Variants in EXOC3L1 observed in about 807,000 individuals in gnomAD.
The protein encoded by EXOC3L1 is exocyst complex component 3-like protein.
Under a neutral mutation model 83.6 loss-of-function variants are expected in EXOC3L1, and 79 were observed. The ratio of observed to expected loss-of-function variants is 0.95; its 90% CI spans 0.79 to 1.14. The LOEUF (loss-of-function observed/expected upper bound fraction) is 1.14, where lower values mean the gene tolerates loss of function less well. Among genes scored for constraint, EXOC3L1 ranks in the 50% most tolerant of loss-of-function variants. EXOC3L1 has a pLI of 0.00. For missense variants in EXOC3L1, 945 were observed against 972.0 expected, an observed-to-expected ratio of 0.97 and a Z score of 0.37; for synonymous variants, 433 against 451.2, an observed-to-expected ratio of 0.96 and a Z score of 0.51.
chr16:67,189,521 C>T, intron 2 of EXOC3L1, 110 bp downstream of exon 2: 1 of 1,299,134 alleles, frequency 7.7e-7, no homozygotes, highest in Admixed American at 1.9e-5. Context: ...AGGTCATCTG[C>T]CCATCTTGAC....
chr16:67,186,994 C>T (rs367949513), intron 6 of EXOC3L1, 27 bp downstream of exon 6: 1 of 1,612,612 alleles, frequency 6.2e-7, no homozygotes. Context: ...AGTAGGACTT[C>T]TCTGGACCTG....
At position 67,187,216 on chromosome 16, in the gene EXOC3L1, G is replaced by A. The variant is rs769943703; in HGVS notation, c.1040+9C>T. ...ATCCCCCATGTCCCGCTGCCCCAAA[G>A]GCACTGACCCCAGGTACACATGCAG... On this transcript the variant is annotated intron_variant, in intron 5 of 13. Coordinates refer to ENST00000314586, the MANE Select transcript of EXOC3L1 (RefSeq NM_178516.4). 13 of 1,609,078 alleles carry A rather than the reference G, an allele frequency of 8.1e-6. No homozygotes were observed. Among genetic ancestry groups the A allele is most frequent in the African/African-American group, 2.7e-5 (2 of 74,864 alleles).
Position 67,184,762 on chromosome 16 carries a change from C to A in EXOC3L1, c.1954G>T (p.Glu652Ter), listed in dbSNP as rs758761121. ...HCAPVLLALR[E>*]LLNLRDPALL... ...GCGGGGTCGCGGAGGTTTAGCAGCT[C>A]CCTCAGGGCGAGCAGCACCGGCGCG... Residue 652 changes from glutamate (E) to a stop codon, truncating the protein, a stop_gained, in exon 13 of 14, where the codon GAG becomes TAG. Transcript: ENST00000314586. LOFTEE classifies it high-confidence loss of function. The A allele has an allele frequency of 6.3e-7, 1 of 1,596,408 alleles. No individual in the cohort carries two copies. The highest frequency in any genetic ancestry group is 8.5e-7 in the Non-Finnish European group (1 of 1,176,414).
In EXOC3L1 at chr16:67,186,258, AG is replaced by A; in HGVS notation, c.1474del (p.Leu492SerfsTer107). 1 of 1,575,814 alleles carries A rather than the reference AG, an allele frequency of 6.3e-7. No homozygotes were observed. Among genetic ancestry groups the A allele is most frequent in the Non-Finnish European group, 8.6e-7 (1 of 1,159,724 alleles). On this transcript the variant is annotated frameshift_variant, in exon 9 of 14. Transcript: ENST00000314586. LOFTEE classifies it high-confidence loss of function. ...PHYVPYLLAA[L>X]NHKSALSSSV... The stretch of plus-strand genomic sequence containing the variant: ...GTACCTGAGTGCTGACTTGTGGTTG[AG>A]GGCGGCCAGTAGGTAGGGCACGTAA...
intron 4 of EXOC3L1, 73 bp from the exon 5 acceptor site, chr16:67,187,910 C>T: frequency 6.7e-7 from 1 of 1,494,830 alleles, no homozygotes. Flanking sequence ...GCAGGGGATA[C>T]TGAGGCCCAG....
Position 67,187,091 on chromosome 16 carries a change from G to C in EXOC3L1, c.1088C>G (p.Ser363Cys). ...CAAGGTCAGAAGGGGCTCCAGCTGGGACACATCAGCCTCAGGCCCCAACTC... is the reference window on the plus strand; with the variant it reads ...CAAGGTCAGAAGGGGCTCCAGCTGGCACACATCAGCCTCAGGCCCCAACTC... The part of the protein sequence containing the change: ...SLELGPEADV[S>C]QLEPLLTLEN... The change falls in exon 6 of 14, where the codon TCC becomes TGC. Residue 363 changes from serine (S) to cysteine (C), a missense_variant. By Grantham distance (112) the Ser-to-Cys change is moderately radical (BLOSUM62 -1). Transcript: ENST00000314586. 6.2e-7 allele frequency: 1 copy of C among 1,613,624 alleles called. No homozygotes were observed. The highest frequency in any genetic ancestry group is 8.5e-7 in the Non-Finnish European group (1 of 1,180,008).
chr16:67,187,660 A>G lies in EXOC3L1; in HGVS notation c.605T>C (p.Val202Ala), dbSNP rs147187883. The G allele has an allele frequency of 2.1e-4, 339 of 1,611,712 alleles. 1 individual carries two copies. The African/African-American group carries it at 4.0e-3, about 19-fold the overall frequency. The change falls in exon 5 of 14, where the codon GTG becomes GCG. Residue 202 changes from valine to alanine, a missense_variant. Coordinates refer to ENST00000314586, the MANE Select transcript of EXOC3L1 (RefSeq NM_178516.4). ...DLLFEALGQA[V>A]EAAAGAAGKL... Reference sequence around the variant, plus strand: ...CCCTGCGGCCCCTGCAGCTGCTTCCACAGCCTGGCCCAGTGCCTCGAACAG... The same window carrying G: ...CCCTGCGGCCCCTGCAGCTGCTTCCGCAGCCTGGCCCAGTGCCTCGAACAG...
In EXOC3L1 at chr16:67,188,801, G is replaced by C; in HGVS notation, c.347C>G (p.Thr116Ser). ...AACCCGCTCCCGTAGGGGCTCTAGA[G>C]TCTGTAAGGCCTGGGACATGCCCTG... ...LLQGMSQALQ[T>S]LEPLRERVAQ... The change falls in exon 4 of 14, where the codon ACT becomes AGT. Residue 116 changes from threonine (T) to serine (S), a missense_variant. Transcript: ENST00000314586. The C allele has an allele frequency of 6.2e-7, 1 of 1,613,378 alleles. No homozygotes were observed. Among genetic ancestry groups the C allele is most frequent in the Non-Finnish European group, 8.5e-7 (1 of 1,180,012 alleles).
Position 67,187,689 on chromosome 16 carries a change from G to T in EXOC3L1, c.576C>A (p.Asp192Glu), listed in dbSNP as rs767666528. Reference protein sequence around the residue: ...GLELPVFQGLDLLFEALGQAV... With the variant: ...GLELPVFQGLELLFEALGQAV... ...CCTGGCCCAGTGCCTCGAACAGAAGGTCCAGCCCCTGGAAGACTGGCAACT... is the reference window on the plus strand; with the variant it reads ...CCTGGCCCAGTGCCTCGAACAGAAGTTCCAGCCCCTGGAAGACTGGCAACT... Residue 192 changes from aspartate (D) to glutamate (E), a missense_variant, in exon 5 of 14, where the codon GAC (aspartate) becomes GAA (glutamate). Physicochemically the swap from Asp to Glu is conservative, Grantham distance 45. Transcript: ENST00000314586. 6.2e-7 allele frequency: 1 copy of T among 1,612,990 alleles called. No individual in the cohort carries two copies.
Position 67,187,646 on chromosome 16 carries a change from C to T in EXOC3L1, c.619G>A (p.Gly207Arg). Residue 207 changes from glycine to arginine, a missense_variant, in exon 5 of 14, where the codon GGG (glycine) becomes AGG (arginine). Physicochemically the swap from Gly to Arg is moderately radical, Grantham distance 125. Coordinates refer to ENST00000314586, the MANE Select transcript of EXOC3L1 (RefSeq NM_178516.4). ...ALGQAVEAAA[G>R]AAGKLAREDP... The stretch of plus-strand genomic sequence containing the variant: ...TCCCGTGCCAGCTTCCCTGCGGCCC[C>T]TGCAGCTGCTTCCACAGCCTGGCCC... 6.2e-7 allele frequency: 1 copy of T among 1,610,952 alleles called. No individual in the cohort carries two copies. The highest frequency in any genetic ancestry group is 8.5e-7 in the Non-Finnish European group (1 of 1,178,900).
chr16:67,189,924 C>A, intron 1 of EXOC3L1, 47 bp downstream of exon 1: 1 of 574,338 alleles, frequency 1.7e-6, no homozygotes, highest in Non-Finnish European at 3.1e-6. Flanking sequence ...TCCACTGGAC[C>A]CTGGTCCTGC....
chr16:67,189,337 T>C (rs989500863), intron 2 of EXOC3L1, 157 bp from the exon 3 acceptor site: 1 of 903,356 alleles, frequency 1.1e-6, no homozygotes, highest in African/African-American at 1.7e-5. Flanking sequence ...AGTGCAGTGG[T>C]GCAATCTCGG....
intron 7 of EXOC3L1, 32 bp downstream of exon 7, chr16:67,186,727 G>T: frequency 6.2e-7 from 1 of 1,613,498 alleles, no homozygotes; most frequent in Non-Finnish European, 8.5e-7. Flanking sequence ...CCCCATGGAG[G>T]CTGCCTGCCT....
At chr16:67,186,422 G>A in intron 8 of EXOC3L1, 75 bp from the exon 9 acceptor site, 1 of 1,400,294 alleles carries the variant, frequency 7.1e-7, no homozygotes, top group Non-Finnish European at 9.9e-7. Flanking sequence ...TGGTACTCCT[G>A]TCCCACCTCC....
chr16:67,189,861 G>A lies in EXOC3L1; in HGVS notation c.-8+110C>T, dbSNP rs151101889. 6.6e-5 allele frequency: 41 copies of A among 625,542 alleles called. No homozygotes were observed. The East Asian group carries it at 8.5e-4, about 13-fold the overall frequency. The allele number at this position is 625,542 out of a possible 1,614,324, so 38.7% of individuals were successfully genotyped here. A position where few individuals can be genotyped will look rare whatever the true frequency, so the allele number is the denominator to read the frequency against. On this transcript the variant is annotated intron_variant, in intron 1 of 13. Transcript: ENST00000314586. ...GCACCTGGGAGGCTTTGCCTGCTAG[G>A]TTTCCCAGTCGTGCCCCTGCAGATG...
chr16:67,186,422 G>T, intron 8 of EXOC3L1, 75 bp from the exon 9 acceptor site: 1 of 1,400,292 alleles, frequency 7.1e-7, no homozygotes, highest in Non-Finnish European at 9.9e-7. Context: ...TGGTACTCCT[G>T]TCCCACCTCC....
Position 67,185,180 on chromosome 16 carries a change from GC to G in EXOC3L1, c.1704del (p.Arg569AlafsTer30). ...ACGCGCCAGAAGTCCCGGCAGAAGC[GC>G]CCCGTCCGTTCACACACACTTTGCA... Reference protein sequence around the residue: ...ELLQSVCERTGRFCRDFWRVR... With the variant: ...ELLQSVCERTXRFCRDFWRVR... On this transcript the variant is annotated frameshift_variant, in exon 11 of 14. Coordinates refer to ENST00000314586, the MANE Select transcript of EXOC3L1 (RefSeq NM_178516.4). LOFTEE classifies it high-confidence loss of function. 1 of 1,613,440 alleles carries G rather than the reference GC, an allele frequency of 6.2e-7. No homozygotes were observed. Among genetic ancestry groups the G allele is most frequent in the Non-Finnish European group, 8.5e-7 (1 of 1,180,040 alleles).
At chr16:67,187,868 G>T in intron 4 of EXOC3L1, 31 bp from the exon 5 acceptor site, 1 of 1,540,832 alleles carries the variant, frequency 6.5e-7, no homozygotes. Context: ...ACGGCCCTGG[G>T]TCTCAGCCTT....
Position 67,189,657 on chromosome 16 carries a change from T to G in EXOC3L1, c.20A>C (p.Asp7Ala), listed in dbSNP as rs2032828950. The change falls in exon 2 of 14, where the codon GAT becomes GCT. Residue 7 changes from aspartate (D) to alanine (A), a missense_variant. Coordinates refer to ENST00000314586, the MANE Select transcript of EXOC3L1 (RefSeq NM_178516.4). ...AGGGGACAACGCCGGCTGCATCTCA[T>G]CCTTGGCTGCTGAGTCCATTGTGGG... is the stretch of plus-strand genomic sequence containing the variant. MDSAAK[D>A]EMQPALSPGP... 4 of 1,614,130 alleles carry G rather than the reference T, an allele frequency of 2.5e-6. No homozygotes were observed. The highest frequency in any genetic ancestry group is 3.4e-6 in the Non-Finnish European group (4 of 1,180,004).
Sources: gnomAD v4.1 joint callset for allele counts on GRCh38, gnomAD v4.1.1 for gene constraint, MANE v1.5 for transcripts, NCBI Gene and HGNC (gene_info 2026-07-23, HGNC 2026-07-21) for gene names.